Variants in ZNF594 observed in about 807,000 individuals in gnomAD.
ZNF594 encodes the protein zinc finger protein 594.
For missense variants in ZNF594, 1,037 were observed against 964.6 expected, an observed-to-expected ratio of 1.08 and a Z score of -0.99; for synonymous variants, 336 against 309.4, an observed-to-expected ratio of 1.09 and a Z score of -0.90.
intron 1 of ZNF594, among the ~76,000 whole-genome samples, chr17:5,184,917 C>A (rs919544528): frequency 1.3e-5 from 2 of 152,164 alleles, no homozygotes; most frequent in Admixed American, 6.5e-5. Flanking sequence ...AAATTAATAA[C>A]CAGCATACTG....
chr17:5,184,370 CAGA>C (rs1218832802), intron 1 of ZNF594, 94 bp from the exon 2 acceptor site: 2 of 1,249,322 alleles, frequency 1.6e-6, no homozygotes, highest in Non-Finnish European at 2.2e-6. Context: ...ACAAAGAACT[CAGA>C]AGACCTTTCC....
chr17:5,189,664 T>C (rs1254316673), intron 1 of ZNF594, among the ~76,000 whole-genome samples: 1 of 151,916 alleles, frequency 6.6e-6, no homozygotes, highest in Non-Finnish European at 1.5e-5. Context: ...CCTGACACCA[T>C]AGGCACACCA....
At position 5,182,607 on chromosome 17, in the gene ZNF594, G is replaced by A. The variant is rs2144243714; in HGVS notation, c.1650C>T (p.Ser550=). ...GCTCTCCCCTAAGCTCCTCATCCTG[G>A]CTGAAGGTTTTCTCACATTCAAGTT... ...GEKLECEKTF[S]QDEELRGEQK... Residue 550 remains serine (S), a synonymous_variant, in exon 2 of 2, where the codon AGC becomes AGT. Coordinates refer to ENST00000575779, the MANE Select transcript of ZNF594 (RefSeq NM_032530.2). 6.2e-7 allele frequency: 1 copy of A among 1,613,422 alleles called. No homozygotes were observed. Among genetic ancestry groups the A allele is most frequent in the East Asian group, 2.2e-5 (1 of 44,806 alleles).
At chr17:5,177,883 A>T (rs2074316514), downstream of ZNF594, among the ~76,000 whole-genome samples, 1 of 152,138 alleles carries the variant, frequency 6.6e-6, no homozygotes, top group African/African-American at 2.4e-5. Flanking sequence ...ACACAGAAAT[A>T]ACATAAAACA....
downstream of ZNF594, among the ~76,000 whole-genome samples, chr17:5,177,438 G>A (rs575743967): frequency 3.3e-5 from 5 of 151,874 alleles, no homozygotes; most frequent in Non-Finnish European, 7.4e-5. Flanking sequence ...GGCCGGACAT[G>A]GTGGCTCACG....
Position 5,181,386 on chromosome 17 carries a change from T to C in ZNF594, c.*447A>G. ...GCTGCCCTGGAAAGCCCTACCACAC[T>C]GATTACACCAATAAGCTTTCTCTTC... On this transcript the variant is annotated 3_prime_UTR_variant, in exon 2 of 2. Coordinates refer to ENST00000575779, the MANE Select transcript of ZNF594 (RefSeq NM_032530.2). The C allele has an allele frequency of 6.2e-7, 1 of 1,613,154 alleles. No homozygotes were observed. The highest frequency in any genetic ancestry group is 8.5e-7 in the Non-Finnish European group (1 of 1,179,122).
chr17:5,182,317 G>C lies in ZNF594; in HGVS notation c.1940C>G (p.Thr647Ser). The C allele has an allele frequency of 5.0e-6, 8 of 1,613,458 alleles. No individual in the cohort carries two copies. The highest frequency in any genetic ancestry group is 1.1e-5 in the South Asian group (1 of 91,072). ...ACTACATTCATAGGGTTTCTCTCCA[G>C]TATGAATACGATGGTGTTTAATAAG... is the stretch of plus-strand genomic sequence containing the variant. The part of the protein sequence containing the change: ...SDLIKHHRIH[T>S]GEKPYECSEC... The change falls in exon 2 of 2, where the codon ACT becomes AGT. Residue 647 changes from threonine to serine, a missense_variant. By Grantham distance (58) the Thr-to-Ser change is moderately conservative. Transcript: ENST00000575779.
At chr17:5,176,779 C>T (rs1023508985), downstream of ZNF594, among the ~76,000 whole-genome samples, 1 of 151,272 alleles carries the variant, frequency 6.6e-6, no homozygotes, top group Non-Finnish European at 1.5e-5. Flanking sequence ...GATTGACAGT[C>T]AATCACATAA....
At position 5,183,970 on chromosome 17, in the gene ZNF594, T is replaced by C; in HGVS notation, c.287A>G (p.Glu96Gly). 1 of 1,614,098 alleles carries C rather than the reference T, an allele frequency of 6.2e-7. No individual in the cohort carries two copies. Among genetic ancestry groups the C allele is most frequent in the Non-Finnish European group, 8.5e-7 (1 of 1,180,034 alleles). ...NEGEKILSAG[E>G]SSHRYEVSGQ... ...ACTAACCTCATATCTATGGGAGCTT[T>C]CTCCTGCAGAAAGTATTTTTTCTCC... is the stretch of plus-strand genomic sequence containing the variant. Residue 96 changes from glutamate to glycine, a missense_variant, in exon 2 of 2, where the codon GAA (glutamate) becomes GGA (glycine). Physicochemically the swap from Glu to Gly is moderately conservative, Grantham distance 98. Transcript: ENST00000575779.
At position 5,182,813 on chromosome 17, in the gene ZNF594, G is replaced by C. The variant is rs146569995; in HGVS notation, c.1444C>G (p.His482Asp). Reference protein sequence around the residue: ...RSHLVTHQKIHTGEKPYQCTE... With the variant: ...RSHLVTHQKIDTGEKPYQCTE... ...CACTGATAGGGCTTCTCTCCAGTAT[G>C]GATTTTCTGGTGTGTAACAAGGTGT... Residue 482 changes from histidine to aspartate, a missense_variant, in exon 2 of 2, where the codon CAT (histidine) becomes GAT (aspartate). Transcript: ENST00000575779. The C allele has an allele frequency of 5.0e-6, 8 of 1,614,066 alleles. No homozygotes were observed. Among genetic ancestry groups the C allele is most frequent in the Non-Finnish European group, 6.8e-6 (8 of 1,180,016 alleles).
chr17:5,187,992 T>C (rs2074396820), intron 1 of ZNF594, among the ~76,000 whole-genome samples: 2 of 151,448 alleles, frequency 1.3e-5, no homozygotes, highest in Admixed American at 6.6e-5. Flanking sequence ...AGTGCTGGGA[T>C]TGCAGGTGTG....
At chr17:5,179,197 C>T (rs368169616), downstream of ZNF594, among the ~76,000 whole-genome samples, 30 of 148,070 alleles carry the variant, frequency 2.0e-4, no homozygotes, top group African/African-American at 7.4e-4. Context: ...CACACACTTC[C>T]CTCCCTCCAC....
intron 1 of ZNF594, among the ~76,000 whole-genome samples, chr17:5,189,532 C>A (rs1347362057): frequency 1.3e-5 from 2 of 151,462 alleles, no homozygotes; most frequent in African/African-American, 4.9e-5. Flanking sequence ...AGCCACTGTG[C>A]CCAGCTTGTT....
At chr17:5,184,450 A>G (rs955962917) in intron 1 of ZNF594, 174 bp from the exon 2 acceptor site, 16 of 689,346 alleles carry the variant, frequency 2.3e-5, no homozygotes, top group Non-Finnish European at 3.7e-5. Context: ...GTGCTACCAC[A>G]TACCCTGTTG....
downstream of ZNF594, among the ~76,000 whole-genome samples, chr17:5,178,150 T>C (rs1202444975): frequency 3.5e-5 from 5 of 144,348 alleles, no homozygotes; most frequent in Non-Finnish European, 6.1e-5. Flanking sequence ...ATAGGCCCAC[T>C]CTTTCATTAA....
In ZNF594 at chr17:5,181,271, G is replaced by C. The variant is rs752098577; in HGVS notation, c.*562C>G. Reference sequence around the variant, plus strand: ...TGTGAATTCTATGATGTCTCAGAAGGTCTGAGCTCTGATTGAAAGTTTTCC... The same window carrying C: ...TGTGAATTCTATGATGTCTCAGAAGCTCTGAGCTCTGATTGAAAGTTTTCC... On this transcript the variant is annotated 3_prime_UTR_variant, in exon 2 of 2. Transcript: ENST00000575779. The C allele has an allele frequency of 1.2e-5, 20 of 1,612,526 alleles. No individual in the cohort carries two copies. Among genetic ancestry groups the C allele is most frequent in the Non-Finnish European group, 1.7e-5 (20 of 1,178,572 alleles).
chr17:5,181,710 C>T lies in ZNF594; in HGVS notation c.*123G>A, dbSNP rs751384073. 1.3e-6 allele frequency: 2 copies of T among 1,582,060 alleles called. No individual in the cohort carries two copies. The highest frequency in any genetic ancestry group is 1.7e-6 in the Non-Finnish European group (2 of 1,151,014). On this transcript the variant is annotated 3_prime_UTR_variant, in exon 2 of 2. Coordinates refer to ENST00000575779, the MANE Select transcript of ZNF594 (RefSeq NM_032530.2). The stretch of plus-strand genomic sequence containing the variant: ...GGACCTCTGGCTAAAGACTTTCCCA[C>T]ATTCACTACATTCATGAGGTTTCTC...
rs753635033 is a variant in ZNF594 at position 5,182,255 on chromosome 17, C to G, written c.2002G>C (p.Ala668Pro). The stretch of plus-strand genomic sequence containing the variant: ...CCAGTATGGATTTTCTGGTGTGTAG[C>G]AAGGTGTGACCTCTGGCTGAAGGCT... ...GKAFSQRSHL[A>P]THQKIHTGEK... Residue 668 changes from alanine (A) to proline (P), a missense_variant, in exon 2 of 2, where the codon GCT becomes CCT. Physicochemically the swap from Ala to Pro is conservative, Grantham distance 27 (BLOSUM62 -1). Coordinates refer to ENST00000575779, the MANE Select transcript of ZNF594 (RefSeq NM_032530.2). 1 of 1,613,310 alleles carries G rather than the reference C, an allele frequency of 6.2e-7. No individual in the cohort carries two copies. Among genetic ancestry groups the G allele is most frequent in the African/African-American group, 1.3e-5 (1 of 74,414 alleles).
rs1340600313 is a variant in ZNF594, at chr17:5,180,675, T to C, written c.*1158A>G. On this transcript the variant is annotated 3_prime_UTR_variant, in exon 2 of 2. Coordinates refer to ENST00000575779, the MANE Select transcript of ZNF594 (RefSeq NM_032530.2). ...TAGTGAGACCTCATCTCTTTGTATGTTAAAAAATAAATAATTTAAAAAATT... is the reference window on the plus strand; with the variant it reads ...TAGTGAGACCTCATCTCTTTGTATGCTAAAAAATAAATAATTTAAAAAATT... The C allele has an allele frequency of 4.0e-6, 1 of 247,128 alleles. No individual in the cohort carries two copies. The highest frequency in any genetic ancestry group is 7.9e-6 in the Non-Finnish European group (1 of 125,852). 15.3% of individuals were successfully genotyped at this position (247,128 alleles called of 1,614,324 possible).
Sources: gnomAD v4.1 joint callset for allele counts (sites outside exome capture counted in the v4.1 genomes callset) on GRCh38, gnomAD v4.1.1 for gene constraint, MANE v1.5 for transcripts, NCBI Gene and HGNC (gene_info 2026-07-23, HGNC 2026-07-21) for gene names.